PKHD1L1: variants seen among roughly 807,000 people sequenced by gnomAD.
The protein encoded by PKHD1L1 is fibrocystin-L.
Under a neutral mutation model 462.9 loss-of-function variants are expected in PKHD1L1, and 434 were observed. That is an observed-to-expected ratio of 0.94 (90% CI 0.87 to 1.02). The LOEUF (loss-of-function observed/expected upper bound fraction) is 1.02, where lower values mean the gene tolerates loss of function less well. Ranked by LOEUF, PKHD1L1 falls within the 50% of genes least tolerant of loss-of-function variation. The pLI is 0.00. For synonymous variants in PKHD1L1, 1,781 were observed against 1,750.0 expected (o/e 1.02, Z -0.44); for missense variants, 5,202 against 5,096.1 (o/e 1.02, Z -0.63).
Position 109,485,027 on chromosome 8 carries a change from A to G in PKHD1L1, c.9577-17A>G, listed in dbSNP as rs750129155. 4 of 1,562,234 alleles carry G rather than the reference A, an allele frequency of 2.6e-6. No homozygotes were observed. In the South Asian group the frequency reaches 4.9e-5, roughly 19 times the overall value. ...TTTTAAAATTGTTCTTAAATTTGGC[A>G]CTTGAATTTTTCTAAGGAGGGAGAA... On this transcript the variant is annotated splice_polypyrimidine_tract_variant and intron_variant, in intron 57 of 77. Transcript: ENST00000378402.
rs750444654 is a variant in PKHD1L1 at position 109,466,586 on chromosome 8, G to A, written c.8422G>A (p.Gly2808Arg). 6 of 1,591,950 alleles carry A rather than the reference G, an allele frequency of 3.8e-6. No individual in the cohort carries two copies. The highest frequency in any genetic ancestry group is 4.3e-6 in the Non-Finnish European group (5 of 1,169,482). ...GTTTGTTTGTTTCCCAGGGCACAAA[G>A]GACATACCGTCATTCCACACAGCTC... Reference protein sequence around the residue: ...DVDGSLTGHKGHTVIPHSSLL... With the variant: ...DVDGSLTGHKRHTVIPHSSLL... Residue 2808 changes from glycine to arginine, a missense_variant, in exon 50 of 78, where the codon GGA becomes AGA. By Grantham distance (125) the Gly-to-Arg change is moderately radical. Transcript: ENST00000378402.
In PKHD1L1 at chr8:109,412,421, T is replaced by G. The variant is rs2130603899; in HGVS notation, c.2235+7T>G. The G allele has an allele frequency of 6.3e-7, 1 of 1,596,102 alleles. No homozygotes were observed. The highest frequency in any genetic ancestry group is 8.5e-7 in the Non-Finnish European group (1 of 1,170,492). On this transcript the variant is annotated splice_region_variant and intron_variant, in intron 20 of 77. Transcript: ENST00000378402. ...ATTGTTTCCTTATAATCAGGTAAGCTCAACAAAATGATATGCTAATTGAAT... is the reference window on the plus strand; with the variant it reads ...ATTGTTTCCTTATAATCAGGTAAGCGCAACAAAATGATATGCTAATTGAAT...
At chr8:109,490,778 T>C (rs1041085402) in intron 60 of PKHD1L1, among the ~76,000 whole-genome samples, 194 bp from the exon 61 acceptor site, 3 of 151,676 alleles carry the variant, frequency 2.0e-5, no homozygotes, top group East Asian at 3.9e-4. Context: ...TAATAATAAA[T>C]TCAGATATAT....
intron 50 of PKHD1L1, among the ~76,000 whole-genome samples, chr8:109,473,238 G>A (rs1817813679): frequency 6.6e-6 from 1 of 152,170 alleles, no homozygotes; most frequent in Non-Finnish European, 1.5e-5. Context: ...GAGGCTGGGT[G>A]CGGTGGCTCA....
At position 109,499,938 on chromosome 8, in the gene PKHD1L1, G is replaced by C. The variant is rs547909233; in HGVS notation, c.10828+1167G>C. Among the ~76,000 whole-genome samples the C allele has an allele frequency of 5.3e-5, 8 of 152,302 alleles. No homozygotes were observed. The South Asian group carries it at 6.2e-4, about 12-fold the overall frequency. ...GGTGGGTAGGGGACGGAAGTCATTT[G>C]TATCCCCATGTTAGTTTTTGGTTAC... On this transcript the variant is annotated intron_variant, in intron 67 of 77. Coordinates refer to ENST00000378402, the MANE Select transcript of PKHD1L1 (RefSeq NM_177531.6).
intron 14 of PKHD1L1, among the ~76,000 whole-genome samples, chr8:109,401,991 T>C (rs1398402028): frequency 6.6e-6 from 1 of 152,148 alleles, no homozygotes; most frequent in Non-Finnish European, 1.5e-5. Context: ...TGTTATTAAC[T>C]GGTTTATTCC....
At chr8:109,492,568 T>G (rs1054350215) in intron 62 of PKHD1L1, among the ~76,000 whole-genome samples, 1 of 151,892 alleles carries the variant, frequency 6.6e-6, no homozygotes, top group Admixed American at 6.6e-5. Flanking sequence ...AGGATTGAGT[T>G]TTTTTATGTG....
chr8:109,446,380 A>C (rs1243486584), intron 38 of PKHD1L1, among the ~76,000 whole-genome samples: 1 of 152,216 alleles, frequency 6.6e-6, no homozygotes, highest in Non-Finnish European at 1.5e-5. Flanking sequence ...ATTTTGGACA[A>C]GTTTTTTAAA....
At chr8:109,417,809 C>A (rs982753513) in intron 21 of PKHD1L1, among the ~76,000 whole-genome samples, 1 of 152,176 alleles carries the variant, frequency 6.6e-6, no homozygotes, top group Non-Finnish European at 1.5e-5. Flanking sequence ...TTCGGCCTCC[C>A]AAAGCTCTGG....
chr8:109,449,951 G>T (rs1816390394), intron 40 of PKHD1L1, among the ~76,000 whole-genome samples: 1 of 152,128 alleles, frequency 6.6e-6, no homozygotes, highest in Non-Finnish European at 1.5e-5. Flanking sequence ...GTAGTCTACT[G>T]GACTGTTGTC....
rs756143861 is a variant in PKHD1L1, at chr8:109,535,766, C to T, written c.*5676C>T. Among the ~76,000 whole-genome samples, 9 of 152,160 alleles carry T rather than the reference C, an allele frequency of 5.9e-5. No individual in the cohort carries two copies. Among genetic ancestry groups the T allele is most frequent in the Admixed American group, 1.3e-4 (2 of 15,274 alleles). On this transcript the variant is annotated 3_prime_UTR_variant, in exon 78 of 78. Coordinates refer to ENST00000378402, the MANE Select transcript of PKHD1L1 (RefSeq NM_177531.6). ...TTAGAGGAAGGAAAATAGTAAAATA[C>T]AAAAGACTAAGTTAGCAGATCATTT...
rs2130578656 is a variant in PKHD1L1, at chr8:109,408,111, G to T, written c.1876G>T (p.Glu626Ter). 6.2e-7 allele frequency: 1 copy of T among 1,613,356 alleles called. No individual in the cohort carries two copies. Among genetic ancestry groups the T allele is most frequent in the East Asian group, 2.2e-5 (1 of 44,854 alleles). The change falls in exon 18 of 78, where the codon GAA (glutamate) becomes TAA (stop). Residue 626 changes from glutamate to a stop codon, truncating the protein, a stop_gained. Transcript: ENST00000378402. LOFTEE classifies it high-confidence loss of function. ...EGNNVTLDIT[E>*]QTKGKPNLET... Reference sequence around the variant, plus strand: ...GAATAATGTCACACTGGATATTACAGAACAAACCAAAGGAAAACCCAACTT... The same window carrying T: ...GAATAATGTCACACTGGATATTACATAACAAACCAAAGGAAAACCCAACTT...
intron 70 of PKHD1L1, 90 bp from the exon 71 acceptor site, chr8:109,510,687 C>A: frequency 2.1e-6 from 3 of 1,441,576 alleles, no homozygotes; most frequent in East Asian, 2.5e-5. Context: ...TTGACCACTG[C>A]AATTTATTTT....
intron 2 of PKHD1L1, among the ~76,000 whole-genome samples, chr8:109,372,795 G>A (rs1369393642): frequency 6.6e-6 from 1 of 152,090 alleles, no homozygotes; most frequent in African/African-American, 2.4e-5. Context: ...CTGTTTATAT[G>A]CTGGATTATG....
rs760166056 is a variant in PKHD1L1, at chr8:109,420,562, T to G, written c.2569T>G (p.Phe857Val). 4 of 1,607,580 alleles carry G rather than the reference T, an allele frequency of 2.5e-6. No individual in the cohort carries two copies. Among genetic ancestry groups the G allele is most frequent in the Non-Finnish European group, 3.4e-6 (4 of 1,177,492 alleles). ...TCCTGCATTAGCAAATAAAGGAATA[T>G]TCTTAGAGCACTTTCAGGTGAATCA... ...RLPALANKGI[F>V]LEHFQVNQTK... Residue 857 changes from phenylalanine to valine, a missense_variant, in exon 23 of 78, where the codon TTC becomes GTC. Phe to Val is a conservative substitution (Grantham distance 50, BLOSUM62 -1). Transcript: ENST00000378402.
chr8:109,421,423 C>T (rs1169241345), intron 23 of PKHD1L1, among the ~76,000 whole-genome samples: 1 of 152,124 alleles, frequency 6.6e-6, no homozygotes, highest in Non-Finnish European at 1.5e-5. Flanking sequence ...ATGTTTTAGT[C>T]TTAATATCTT....
intron 9 of PKHD1L1, among the ~76,000 whole-genome samples, chr8:109,391,267 T>A (rs13278812): frequency 0.56 from 84,904 of 152,010 alleles, 23,882 homozygotes; most frequent in South Asian, 0.65. Flanking sequence ...GCCTAGGGAT[T>A]TTCAGCTAGT....
intron 53 of PKHD1L1, among the ~76,000 whole-genome samples, chr8:109,477,974 C>T (rs1316203494): frequency 1.3e-5 from 2 of 152,042 alleles, no homozygotes; most frequent in Non-Finnish European, 2.9e-5. Context: ...AGAGTAATTA[C>T]TGGACATGAT....
In PKHD1L1 at chr8:109,444,120, C is replaced by CA. The variant is rs1815978679; in HGVS notation, c.4791+218_4791+219insA. On this transcript the variant is annotated intron_variant, in intron 37 of 77. Transcript: ENST00000378402. ...TTTAGAACATTTTCATTACCTCCCC[C>CA]CCCCAAAAAAAACCCTAAAGCCCTT... is the stretch of plus-strand genomic sequence containing the variant. Among the ~76,000 whole-genome samples, 3 of 130,064 alleles carry CA rather than the reference C, an allele frequency of 2.3e-5. No individual in the cohort carries two copies. In the South Asian group the frequency reaches 7.9e-4, roughly 34 times the overall value. 85.3% of individuals were successfully genotyped at this position (130,064 alleles called of 152,430 possible).
Sources: gnomAD v4.1 joint callset for allele counts (sites outside exome capture counted in the v4.1 genomes callset) on GRCh38, gnomAD v4.1.1 for gene constraint, MANE v1.5 for transcripts, NCBI Gene and HGNC (gene_info 2026-07-23, HGNC 2026-07-21) for gene names.